Variants in DMD observed in about 807,000 individuals in gnomAD.
The protein encoded by DMD is mutant dystrophin.
A neutral mutation model predicts 330.1 loss-of-function variants in DMD; 63 were observed. The ratio of observed to expected loss-of-function variants is 0.19; its 90% CI spans 0.16 to 0.24. The LOEUF (loss-of-function observed/expected upper bound fraction) is 0.24, where lower values mean the gene tolerates loss of function less well. Among genes scored for constraint, DMD ranks in the 10% least tolerant of loss-of-function variants. DMD has a pLI of 1.00. For synonymous variants in DMD, 1,223 were observed against 959.8 expected (o/e 1.27, Z -5.07); for missense variants, 3,344 against 2,684.1 (o/e 1.25, Z -5.43).
At chrX:32,984,298 A>G (rs1252363423) in intron 2 of DMD, among the ~76,000 whole-genome samples, 1 of 112,520 alleles carries the variant, frequency 8.9e-6, no homozygotes, top group East Asian at 2.8e-4. Context: ...CCTGTTCCCC[A>G]GGCTGGAGCG....
chrX:33,063,749 C>T (rs1002176255), intron 1 of DMD, among the ~76,000 whole-genome samples: 1 of 110,711 alleles, frequency 9.0e-6, no homozygotes, highest in African/African-American at 3.3e-5. Context: ...TAAGCCCATA[C>T]CCCACCCCAG....
At chrX:32,718,505 A>C (rs2147869795) in intron 7 of DMD, among the ~76,000 whole-genome samples, 1 of 111,834 alleles carries the variant, frequency 8.9e-6, no homozygotes, top group African/African-American at 3.2e-5. Context: ...ACCCAGTCAC[A>C]GGTAGTTGTT....
At chrX:32,828,230 G>A (rs1329874602) in intron 4 of DMD, among the ~76,000 whole-genome samples, 2 of 110,740 alleles carry the variant, frequency 1.8e-5, no homozygotes, top group Non-Finnish European at 3.8e-5. Context: ...TATTCCTTTG[G>A]GTATATACCA....
rs73467372 is a variant in DMD at position 32,650,837 on chromosome X, A to G, written c.961-5685T>C. On this transcript the variant is annotated intron_variant, in intron 9 of 78. Coordinates refer to ENST00000357033, the MANE Select transcript of DMD (RefSeq NM_004006.3). ...TACTACCGCATATACAACAGCAATA[A>G]CAACAGCTGCCATTATTTATTGAGT... 2.8e-3 allele frequency among the ~76,000 whole-genome samples: 316 copies of G among 112,301 alleles called. 1 individual carries two copies. The highest frequency in any genetic ancestry group is 9.5e-3 in the African/African-American group (294 of 30,923).
At position 32,700,977 on chromosome X, in the gene DMD, T is replaced by C. The variant is rs370764147; in HGVS notation, c.650-1684A>G. ...AATCAGAACAGCTATTTTTAAAGTA[T>C]TTTTAAAAAGAGTTACAAGAGACGA... is the stretch of plus-strand genomic sequence containing the variant. On this transcript the variant is annotated intron_variant, in intron 7 of 78. Transcript: ENST00000357033. Among the ~76,000 whole-genome samples, 43 of 112,217 alleles carry C rather than the reference T, an allele frequency of 3.8e-4. 1 individual carries two copies. The East Asian group carries it at 0.01, about 27-fold the overall frequency.
intron 15 of DMD, among the ~76,000 whole-genome samples, chrX:32,570,898 T>A (rs1319393144): frequency 8.9e-6 from 1 of 111,946 alleles, no homozygotes; most frequent in Non-Finnish European, 1.9e-5. Context: ...ATGCAGGAAC[T>A]TTGACTAGAT....
chrX:31,748,784 C>T (rs5927833), intron 51 of DMD, among the ~76,000 whole-genome samples: 4 of 110,905 alleles, frequency 3.6e-5, no homozygotes, highest in Non-Finnish European at 7.6e-5. Flanking sequence ...TGTACTTACA[C>T]CCTTTTATAG....
At chrX:33,253,489 A>G (rs2052804689) in intron 1 of DMD, among the ~76,000 whole-genome samples, 1 of 111,893 alleles carries the variant, frequency 8.9e-6, no homozygotes, top group African/African-American at 3.2e-5. Flanking sequence ...AATGCTAAAA[A>G]TAGATACATT....
At chrX:31,657,701 CA>C (rs1185707370) in intron 54 of DMD, among the ~76,000 whole-genome samples, 1 of 111,984 alleles carries the variant, frequency 8.9e-6, no homozygotes, top group African/African-American at 3.2e-5. Context: ...ATAGAGTTAT[CA>C]AAGTAGACTG....
At chrX:32,520,523 A>C (rs1219475775) in intron 17 of DMD, among the ~76,000 whole-genome samples, 1 of 111,614 alleles carries the variant, frequency 9.0e-6, no homozygotes, top group African/African-American at 3.3e-5. Flanking sequence ...GTGTCCCTTA[A>C]CCAGTGAGAG....
chrX:32,573,745 C>T lies in DMD; in HGVS notation c.1704G>A (p.Gln568=). The change falls in exon 14 of 79, where the codon CAG becomes CAA. Residue 568 remains glutamine, a splice_region_variant and synonymous_variant. Transcript: ENST00000357033. The part of the protein sequence containing the change: ...LLKWQRLTEE[Q]CLFSAWLSEK... ...AGCTAGTTTCTCACACATGACACACCTGTTCTTCAGTAAGACGTTGCCATT... is the reference window on the plus strand; with the variant it reads ...AGCTAGTTTCTCACACATGACACACTTGTTCTTCAGTAAGACGTTGCCATT... 1 of 1,210,305 alleles carries T rather than the reference C, an allele frequency of 8.3e-7. No homozygotes were observed. The highest frequency in any genetic ancestry group is 1.1e-6 in the Non-Finnish European group (1 of 894,226).
At chrX:31,528,389 A>G (rs2073413209) in intron 55 of DMD, among the ~76,000 whole-genome samples, 1 of 112,261 alleles carries the variant, frequency 8.9e-6, no homozygotes, top group African/African-American at 3.2e-5. Flanking sequence ...AACATGATAC[A>G]CTGACATTAA....
intron 7 of DMD, among the ~76,000 whole-genome samples, chrX:32,721,066 T>TTGTGTGTG (rs113205688): frequency 1.4e-4 from 15 of 108,815 alleles, no homozygotes; most frequent in African/African-American, 4.3e-4. Flanking sequence ...GGCTGAATAT[T>TTGTGTGTG]TGTGTGTGTG....
chrX:32,301,310 T>C (rs2097523091), intron 42 of DMD, among the ~76,000 whole-genome samples: 1 of 110,019 alleles, frequency 9.1e-6, no homozygotes, highest in African/African-American at 3.3e-5. Context: ...GTTTACCTTT[T>C]TGGAAGCTCC....
intron 67 of DMD, among the ~76,000 whole-genome samples, chrX:31,189,782 G>C (rs2042142202): frequency 8.9e-6 from 1 of 112,436 alleles, no homozygotes; most frequent in Admixed American, 9.4e-5. Flanking sequence ...TATGAAGTCA[G>C]AATTTTAAAA....
At chrX:32,539,265 G>A (rs757255788) in intron 17 of DMD, among the ~76,000 whole-genome samples, 1 of 106,795 alleles carries the variant, frequency 9.4e-6, no homozygotes, top group Admixed American at 1.0e-4. Flanking sequence ...AAAGTAACAT[G>A]ACATTGCAAC....
chrX:31,135,097 A>G (rs1394073128), intron 76 of DMD, among the ~76,000 whole-genome samples: 1 of 112,359 alleles, frequency 8.9e-6, no homozygotes, highest in Admixed American at 9.4e-5. Flanking sequence ...AGTCAATTGA[A>G]AAAGGTAAAA....
At chrX:31,137,750 C>G (rs113868406) in intron 76 of DMD, among the ~76,000 whole-genome samples, 2,683 of 110,643 alleles carry the variant, frequency 0.024, 86 homozygotes, top group East Asian at 0.15. Flanking sequence ...ATATAGGTAT[C>G]TTGAGTGGTG....
intron 2 of DMD, among the ~76,000 whole-genome samples, chrX:32,958,333 A>G (rs893981992): frequency 2.7e-5 from 3 of 111,786 alleles, no homozygotes; most frequent in African/African-American, 9.7e-5. Context: ...GTGCTTATCA[A>G]TCACTATTGC....
Sources: gnomAD v4.1 joint callset for allele counts (sites outside exome capture counted in the v4.1 genomes callset) on GRCh38, gnomAD v4.1.1 for gene constraint, MANE v1.5 for transcripts, NCBI Gene and HGNC (gene_info 2026-07-23, HGNC 2026-07-21) for gene names.